Variants in GNA13 observed in about 807,000 individuals in gnomAD.
The protein encoded by GNA13 is guanine nucleotide-binding protein subunit alpha-13.
A neutral mutation model predicts 33.5 loss-of-function variants in GNA13; 4 were observed. That is an observed-to-expected ratio of 0.12 (90% CI 0.06 to 0.27). GNA13 has a LOEUF of 0.27. Among genes scored for constraint, GNA13 ranks in the 10% least tolerant of loss-of-function variants. GNA13 has a pLI of 1.00. For synonymous variants in GNA13, 176 were observed against 183.8 expected (o/e 0.96, Z 0.34); for missense variants, 319 against 487.2 (o/e 0.65, Z 3.25).
At chr17:65,016,604 C>T (rs1343116071) in intron 3 of GNA13, among the ~76,000 whole-genome samples, 4 of 152,208 alleles carry the variant, frequency 2.6e-5, no homozygotes, top group African/African-American at 9.6e-5. Context: ...TCAAGTGATC[C>T]TCCCGCCTCA....
chr17:65,050,504 G>A (rs967940532), intron 2 of GNA13, among the ~76,000 whole-genome samples: 6 of 152,232 alleles, frequency 3.9e-5, no homozygotes, highest in African/African-American at 1.4e-4. Flanking sequence ...CAAGGCAGGA[G>A]GACTGCTTGA....
At chr17:65,036,068 A>G (rs748040517) in intron 2 of GNA13, among the ~76,000 whole-genome samples, 6 of 152,244 alleles carry the variant, frequency 3.9e-5, no homozygotes, top group African/African-American at 1.4e-4. Flanking sequence ...TATGATCACA[A>G]AACAGGTGAA....
intron 2 of GNA13, among the ~76,000 whole-genome samples, chr17:65,043,134 C>T (rs980338790): frequency 9.2e-5 from 14 of 152,142 alleles, no homozygotes; most frequent in African/African-American, 3.4e-4. Flanking sequence ...GCTCACACAG[C>T]GAGTGGCAGC....
At chr17:65,018,485 ATCTGCAAAGGCAGGCTGATT>A in intron 2 of GNA13, among the ~76,000 whole-genome samples, 182 bp from the exon 3 acceptor site, 1 of 152,228 alleles carries the variant, frequency 6.6e-6, no homozygotes, top group African/African-American at 2.4e-5. Context: ...AGACTGCTAA[ATCTGCAAAGGCAGGCTGATT>A]TCACAAATGC....
At chr17:65,041,500 T>TA (rs574086653) in intron 2 of GNA13, among the ~76,000 whole-genome samples, 76 of 148,026 alleles carry the variant, frequency 5.1e-4, no homozygotes, top group South Asian at 4.9e-3. Flanking sequence ...ACATGGAATC[T>TA]AAAAAAAAAA....
intron 2 of GNA13, among the ~76,000 whole-genome samples, chr17:65,037,840 T>C (rs1441931340): frequency 6.6e-6 from 1 of 150,710 alleles, no homozygotes; most frequent in Admixed American, 6.6e-5. Flanking sequence ...CTCTTCTTTT[T>C]ACACCCTTTC....
chr17:65,025,807 C>T (rs1332092888), intron 2 of GNA13, among the ~76,000 whole-genome samples: 3 of 78,396 alleles, frequency 3.8e-5, no homozygotes, highest in African/African-American at 1.4e-4. Flanking sequence ...ATAGAGAGAT[C>T]CCATCTCTAC....
intron 2 of GNA13, among the ~76,000 whole-genome samples, chr17:65,036,108 T>G (rs1907236678): frequency 6.6e-6 from 1 of 152,198 alleles, no homozygotes; most frequent in Non-Finnish European, 1.5e-5. Flanking sequence ...TATTCCCAGT[T>G]TAGAGCTCAA....
At chr17:65,032,043 G>A (rs1453791095) in intron 2 of GNA13, among the ~76,000 whole-genome samples, 2 of 151,790 alleles carry the variant, frequency 1.3e-5, no homozygotes, top group Non-Finnish European at 2.9e-5. Flanking sequence ...TCTTGATAAA[G>A]TCATATATAA....
At chr17:65,051,289 T>A (rs938503201) in intron 2 of GNA13, among the ~76,000 whole-genome samples, 5 of 152,234 alleles carry the variant, frequency 3.3e-5, no homozygotes, top group African/African-American at 1.2e-4. Flanking sequence ...GAAAATGAAC[T>A]AAGAAGAAAG....
At chr17:65,043,109 G>A (rs1436230391) in intron 2 of GNA13, among the ~76,000 whole-genome samples, 5 of 152,084 alleles carry the variant, frequency 3.3e-5, no homozygotes, top group African/African-American at 4.8e-5. Flanking sequence ...TTCAGAGGCC[G>A]AAGGACTTGC....
chr17:65,037,448 C>T (rs1907288670), intron 2 of GNA13, among the ~76,000 whole-genome samples: 1 of 152,188 alleles, frequency 6.6e-6, no homozygotes, highest in African/African-American at 2.4e-5. Flanking sequence ...CCTGTGCCAA[C>T]ATCGATTCTT....
chr17:65,044,908 T>C (rs1293564667), intron 2 of GNA13, among the ~76,000 whole-genome samples: 1 of 150,456 alleles, frequency 6.6e-6, no homozygotes, highest in Admixed American at 6.6e-5. Context: ...CCAGGCATGG[T>C]GGCCCATACC....
chr17:65,038,964 T>C (rs963329373), intron 2 of GNA13, among the ~76,000 whole-genome samples: 1 of 152,110 alleles, frequency 6.6e-6, no homozygotes, highest in Non-Finnish European at 1.5e-5. Context: ...TGTATTGCAT[T>C]TACACCACCA....
At chr17:65,020,360 A>T (rs1290372704) in intron 2 of GNA13, among the ~76,000 whole-genome samples, 1 of 152,172 alleles carries the variant, frequency 6.6e-6, no homozygotes, top group Non-Finnish European at 1.5e-5. Context: ...TTACATGAAG[A>T]AGTTCAGTGG....
At position 65,056,320 on chromosome 17, in the gene GNA13, C is replaced by A; in HGVS notation, c.274G>T (p.Val92Leu). The A allele has an allele frequency of 6.2e-7, 1 of 1,604,318 alleles. No individual in the cohort carries two copies. Among genetic ancestry groups the A allele is most frequent in the Non-Finnish European group, 8.5e-7 (1 of 1,176,722 alleles). The stretch of plus-strand genomic sequence containing the variant: ...ATTCCCGGCCCGGCACCTTTGATCA[C>A]GTTGCTGTAGATGGTGGGGCGGAAC... ...EEFRPTIYSN[V>L]IKGMRVLVDA... The change falls in exon 1 of 4, where the codon GTG becomes TTG. Residue 92 changes from valine to leucine, a missense_variant. By Grantham distance (32) the Val-to-Leu change is conservative. This residue lies in a region of GNA13 where 136 missense variants were observed against 159.3 expected (regional missense o/e 0.85). Transcript: ENST00000439174.
intron 2 of GNA13, among the ~76,000 whole-genome samples, chr17:65,044,688 C>T (rs751954127): frequency 1.3e-5 from 2 of 151,342 alleles, no homozygotes; most frequent in African/African-American, 2.4e-5. Flanking sequence ...ATTGCAATCT[C>T]GAGTGCTCAC....
rs2230312 is a variant in GNA13 at position 65,014,752 on chromosome 17, T to G, written c.639A>C (p.Ile213=). ...CAACCATTTTGAAAGGAACATTTTTTATTTCAAAGTCGTATTCATGGATGC... is the reference window on the plus strand; with the variant it reads ...CAACCATTTTGAAAGGAACATTTTTGATTTCAAAGTCGTATTCATGGATGC... ...TKGIHEYDFE[I]KNVPFKMVDV... The change falls in exon 4 of 4, where the codon ATA becomes ATC. Residue 213 remains isoleucine, a synonymous_variant. Coordinates refer to ENST00000439174, the MANE Select transcript of GNA13 (RefSeq NM_006572.6). The surrounding 1 kb of genome is among the most constrained non-coding windows in gnomAD (Gnocchi z 5.3). 6.1e-4 allele frequency: 988 copies of G among 1,613,696 alleles called. 7 individuals carry two copies. In the African/African-American group the frequency reaches 0.011, roughly 19 times the overall value.
At chr17:65,016,142 T>C (rs1407762692) in intron 3 of GNA13, among the ~76,000 whole-genome samples, 1 of 152,212 alleles carries the variant, frequency 6.6e-6, no homozygotes, top group African/African-American at 2.4e-5. Context: ...GTCTAGCATT[T>C]TTCCAAAACT....
Sources: gnomAD v4.1 joint callset for allele counts (sites outside exome capture counted in the v4.1 genomes callset) on GRCh38, gnomAD v4.1.1 for gene constraint, gnomAD v4.1.1 regional missense constraint, Gnocchi (gnomAD v3.1) non-coding constraint, MANE v1.5 for transcripts, NCBI Gene and HGNC (gene_info 2026-07-23, HGNC 2026-07-21) for gene names.